ADCY1: variants seen among roughly 807,000 people sequenced by gnomAD.
The protein encoded by ADCY1 is adenylate cyclase 1.
ADCY1 carries 28 observed loss-of-function variants against 105.4 expected under a neutral mutation model. The ratio of observed to expected loss-of-function variants is 0.27; its 90% CI spans 0.20 to 0.36. The LOEUF is 0.36. Ranked by LOEUF, ADCY1 falls within the 10% of genes least tolerant of loss-of-function variation. ADCY1 has a pLI of 1.00. For synonymous variants in ADCY1, 655 were observed against 623.8 expected, an observed-to-expected ratio of 1.05 and a Z score of -0.75; for missense variants, 977 against 1,434.2, an observed-to-expected ratio of 0.68 and a Z score of 5.15.
At chr7:45,705,232 A>G (rs1161553205) in intron 17 of ADCY1, among the ~76,000 whole-genome samples, 1 of 152,206 alleles carries the variant, frequency 6.6e-6, no homozygotes, top group Non-Finnish European at 1.5e-5. Context: ...GTAGGCCAGC[A>G]TTACCTGAAT....
In ADCY1 at chr7:45,678,157, C is replaced by T. The variant is rs1784495112; in HGVS notation, c.1801-9C>T. 1.2e-6 allele frequency: 2 copies of T among 1,614,192 alleles called. No homozygotes were observed. The highest frequency in any genetic ancestry group is 1.1e-5 in the South Asian group (1 of 91,078). On this transcript the variant is annotated splice_polypyrimidine_tract_variant and intron_variant, in intron 9 of 19. Transcript: ENST00000297323. ...TCAGCCCTGATGGATTGACTTCTCT[C>T]TTACACAGTACCACCAGCTTCAGGA...
Position 45,661,278 on chromosome 7 carries a change from T to G in ADCY1, c.1450-781T>G, listed in dbSNP as rs560586427. Among the ~76,000 whole-genome samples, 26 of 152,028 alleles carry G rather than the reference T, an allele frequency of 1.7e-4. No homozygotes were observed. In the South Asian group the frequency reaches 5.4e-3, roughly 32 times the overall value. On this transcript the variant is annotated intron_variant, in intron 7 of 19. Coordinates refer to ENST00000297323, the MANE Select transcript of ADCY1 (RefSeq NM_021116.4). Reference sequence around the variant, plus strand: ...AATAGCGGGAGGGGAAGAGTGAGAATGCTCAGAAGAAGGGGATTTTGTTGT... The same window carrying G: ...AATAGCGGGAGGGGAAGAGTGAGAAGGCTCAGAAGAAGGGGATTTTGTTGT...
chr7:45,596,867 G>C (rs965306934), intron 2 of ADCY1, among the ~76,000 whole-genome samples: 1 of 152,196 alleles, frequency 6.6e-6, no homozygotes, highest in Non-Finnish European at 1.5e-5. Flanking sequence ...TCATGAACAC[G>C]TTTTGAGGGT....
intron 2 of ADCY1, among the ~76,000 whole-genome samples, chr7:45,594,903 G>A (rs760220515): frequency 4.6e-5 from 7 of 152,062 alleles, no homozygotes; most frequent in Non-Finnish European, 8.8e-5. Flanking sequence ...TGTCATTGTG[G>A]TGTATATATA....
At chr7:45,705,854 A>AAGGTTCC (rs1785107884) in intron 17 of ADCY1, among the ~76,000 whole-genome samples, 1 of 152,218 alleles carries the variant, frequency 6.6e-6, no homozygotes, top group South Asian at 2.1e-4. Flanking sequence ...CAATTATAGT[A>AAGGTTCC]AGGTTCCAGG....
intron 14 of ADCY1, among the ~76,000 whole-genome samples, chr7:45,690,125 A>T (rs1294718725): frequency 6.6e-6 from 1 of 152,198 alleles, no homozygotes; most frequent in Non-Finnish European, 1.5e-5. Flanking sequence ...TTGCATGGTC[A>T]GGGGCTGGCA....
intron 4 of ADCY1, among the ~76,000 whole-genome samples, chr7:45,632,412 G>A (rs922895850): frequency 3.9e-5 from 6 of 152,060 alleles, no homozygotes; most frequent in Admixed American, 6.5e-5. Context: ...ACCAATCTTC[G>A]GAGGATTAAC....
chr7:45,591,943 G>T lies in ADCY1; in HGVS notation c.640-816G>T, dbSNP rs1330319990. On this transcript the variant is annotated intron_variant, in intron 1 of 19. Coordinates refer to ENST00000297323, the MANE Select transcript of ADCY1 (RefSeq NM_021116.4). This position sits in a 1 kb window ranked among gnomAD's most constrained non-coding sequence, Gnocchi z 4.1. Reference sequence around the variant, plus strand: ...TCTCATCTGTTGAAGCTGAAGTGGGGACAGGACTAAGGGAGAGTGCAGAGA... The same window carrying T: ...TCTCATCTGTTGAAGCTGAAGTGGGTACAGGACTAAGGGAGAGTGCAGAGA... Among the ~76,000 whole-genome samples, 3 of 152,204 alleles carry T rather than the reference G, an allele frequency of 2.0e-5. No homozygotes were observed. Among genetic ancestry groups the T allele is most frequent in the Non-Finnish European group, 4.4e-5 (3 of 68,034 alleles).
chr7:45,691,803 T>C (rs548706132), intron 14 of ADCY1, among the ~76,000 whole-genome samples: 2 of 152,242 alleles, frequency 1.3e-5, no homozygotes, highest in Non-Finnish European at 1.5e-5. Flanking sequence ...GGTCATGGCA[T>C]AGACATGGAA....
Position 45,683,869 on chromosome 7 carries a change from T to C in ADCY1, c.1984-1110T>C, listed in dbSNP as rs151093502. 5.1e-3 allele frequency among the ~76,000 whole-genome samples: 780 copies of C among 152,310 alleles called. 4 individuals are homozygous for C. The highest frequency in any genetic ancestry group is 0.018 in the African/African-American group (735 of 41,568). On this transcript the variant is annotated intron_variant, in intron 11 of 19. Coordinates refer to ENST00000297323, the MANE Select transcript of ADCY1 (RefSeq NM_021116.4). ...AAGATGGCAGGATCTTGCTCTAAAATCCTGTTCCCAGGCCTGTGGTATGGC... is the reference window on the plus strand; with the variant it reads ...AAGATGGCAGGATCTTGCTCTAAAACCCTGTTCCCAGGCCTGTGGTATGGC...
intron 2 of ADCY1, among the ~76,000 whole-genome samples, chr7:45,602,345 C>G (rs1415345349): frequency 6.6e-6 from 1 of 152,134 alleles, no homozygotes; most frequent in Middle Eastern, 3.4e-3. Context: ...GGAGGTCACC[C>G]TCAGCTTCCT....
intron 14 of ADCY1, among the ~76,000 whole-genome samples, chr7:45,698,152 CACAT>C (rs1445648027): frequency 2.7e-5 from 4 of 149,630 alleles, no homozygotes; most frequent in Admixed American, 6.7e-5. Flanking sequence ...CACACAAACA[CACAT>C]ACTCTCTTAC....
rs2116292975 is a variant in ADCY1 at position 45,714,897 on chromosome 7, T to C, written c.*902T>C. 1 of 152,410 alleles carries C rather than the reference T, an allele frequency of 6.6e-6. No individual in the cohort carries two copies. Among genetic ancestry groups the C allele is most frequent in the South Asian group, 2.1e-4 (1 of 4,832 alleles). The allele number at this position is 152,410 out of a possible 1,614,324, so 9.4% of individuals were successfully genotyped here. On this transcript the variant is annotated 3_prime_UTR_variant, in exon 20 of 20. Coordinates refer to ENST00000297323, the MANE Select transcript of ADCY1 (RefSeq NM_021116.4). ...CTTCTTTTCCCTGTGGCATCGTGGA[T>C]CCTTTACATTTAGCAACAACAGTGT...
chr7:45,597,312 C>T (rs938093472), intron 2 of ADCY1, among the ~76,000 whole-genome samples: 11 of 152,228 alleles, frequency 7.2e-5, no homozygotes, highest in African/African-American at 2.4e-4. Flanking sequence ...CCGGCTTTCA[C>T]GCTCTTCTCC....
At chr7:45,633,864 AC>A (rs1441633898) in intron 4 of ADCY1, among the ~76,000 whole-genome samples, 1 of 152,058 alleles carries the variant, frequency 6.6e-6, no homozygotes, top group Non-Finnish European at 1.5e-5. Context: ...TATAGCAAAA[AC>A]CACAATTACT....
chr7:45,660,228 G>A (rs753773141), intron 7 of ADCY1, 45 bp downstream of exon 7: 2 of 1,610,440 alleles, frequency 1.2e-6, no homozygotes, highest in Non-Finnish European at 1.7e-6. Flanking sequence ...TTAGCTTCTT[G>A]GCCTGTGCAG....
At chr7:45,700,247 C>T (rs1784972212) in intron 14 of ADCY1, among the ~76,000 whole-genome samples, 1 of 152,198 alleles carries the variant, frequency 6.6e-6, no homozygotes, top group African/African-American at 2.4e-5. Context: ...ATTCATCCGT[C>T]CTTGGAGCAG....
chr7:45,582,768 C>T (rs184387082), intron 1 of ADCY1, among the ~76,000 whole-genome samples: 124 of 152,316 alleles, frequency 8.1e-4, no homozygotes, highest in African/African-American at 2.9e-3. Flanking sequence ...CCCATCTGTC[C>T]TCCTACCCCA....
At chr7:45,705,528 GT>G in intron 17 of ADCY1, among the ~76,000 whole-genome samples, 1 of 152,016 alleles carries the variant, frequency 6.6e-6, no homozygotes, top group Non-Finnish European at 1.5e-5. Context: ...CCCATTCCTG[GT>G]TTTTTAAAAA....
Sources: gnomAD v4.1 joint callset for allele counts (sites outside exome capture counted in the v4.1 genomes callset) on GRCh38, gnomAD v4.1.1 for gene constraint, Gnocchi (gnomAD v3.1) non-coding constraint, MANE v1.5 for transcripts, NCBI Gene and HGNC (gene_info 2026-07-23, HGNC 2026-07-21) for gene names.